Variants in TMEM272 observed in about 807,000 individuals in gnomAD.
The protein encoded by TMEM272 is long intergenic non-protein coding RNA 282.
In TMEM272, 8 loss-of-function variants were observed where a neutral mutation model predicts 3.7. That is an observed-to-expected ratio of 2.17 (90% CI 1.27 to 3.91). The LOEUF (loss-of-function observed/expected upper bound fraction) is 3.91, where lower values mean the gene tolerates loss of function less well. TMEM272 is among the 30% of genes most tolerant of loss of function. TMEM272 has a pLI of 0.00. For missense variants in TMEM272, 166 were observed against 91.5 expected, an observed-to-expected ratio of 1.81 and a Z score of -3.32; for synonymous variants, 63 against 39.8, an observed-to-expected ratio of 1.58 and a Z score of -2.20.
At chr13:51,865,051 C>G in the TMEM272 span, among the ~76,000 whole-genome samples, 2 of 152,220 alleles carry the variant, frequency 1.3e-5, no homozygotes, top group African/African-American at 2.4e-5. Context: ...TTGGCCTCAT[C>G]ATGTCACACC....
At chr13:51,866,305 C>A in the TMEM272 span, 3 of 478,758 alleles carry the variant, frequency 6.3e-6, no homozygotes, top group East Asian at 9.9e-5. Flanking sequence ...CACCTCTGGG[C>A]CACAGAGATC....
the TMEM272 span, among the ~76,000 whole-genome samples, chr13:51,918,538 GTGGGTATA>G: frequency 5.3e-5 from 8 of 152,194 alleles, no homozygotes; most frequent in Non-Finnish European, 1.5e-5. Flanking sequence ...GATGTTCAGG[GTGGGTATA>G]TGGGGATTCA....
chr13:51,850,927 T>C, the TMEM272 span, among the ~76,000 whole-genome samples: 1 of 152,238 alleles, frequency 6.6e-6, no homozygotes, highest in Non-Finnish European at 1.5e-5. Flanking sequence ...TTCTCCTCTT[T>C]AGAATATATC....
At chr13:51,910,138 G>C in the TMEM272 span, 1 of 1,028,764 alleles carries the variant, frequency 9.7e-7, no homozygotes, top group Non-Finnish European at 1.5e-6. Flanking sequence ...ACCTCATCTT[G>C]TTCAGAATGT....
In TMEM272 at chr13:51,822,065, C is replaced by T. The variant is rs1289253163; in HGVS notation, c.191G>A (p.Gly64Asp). 5.7e-6 allele frequency: 4 copies of T among 702,344 alleles called. No homozygotes were observed. The highest frequency in any genetic ancestry group is 1.0e-5 in the Non-Finnish European group (4 of 385,002). The allele number at this position is 702,344 out of a possible 1,614,324, so 43.5% of individuals were successfully genotyped here. The change falls in exon 4 of 5, where the codon GGT becomes GAT. Residue 64 changes from glycine to aspartate, a missense_variant. Transcript: ENST00000629372. ...PLYLLVGGIV[G>D]TLKVSLLLYD... ...ATAAAGATACTTTACCTTTAAGGTA[C>T]CGACGATGCCACCCACTAGCAAATA...
the TMEM272 span, among the ~76,000 whole-genome samples, chr13:51,923,025 G>A: frequency 1.3e-5 from 2 of 152,202 alleles, no homozygotes; most frequent in East Asian, 1.9e-4. Flanking sequence ...GATGTCTTGG[G>A]GGCCACTGTT....
chr13:51,830,256 A>C (rs1047064610), intron 2 of TMEM272, among the ~76,000 whole-genome samples: 1 of 152,362 alleles, frequency 6.6e-6, no homozygotes, highest in South Asian at 2.1e-4. Flanking sequence ...AAAAGCCCTA[A>C]GAGTGGAGAG....
At chr13:51,838,415 G>C in intron 2 of TMEM272, 58 bp downstream of exon 2, 1 of 702,986 alleles carries the variant, frequency 1.4e-6, no homozygotes. Flanking sequence ...AGCTCATCGG[G>C]TGATCCCAGA....
chr13:51,929,919 G>C, the TMEM272 span, among the ~76,000 whole-genome samples: 2 of 152,264 alleles, frequency 1.3e-5, no homozygotes, highest in East Asian at 3.8e-4. Flanking sequence ...GACCTGACCA[G>C]GACCTGGATC....
the TMEM272 span, among the ~76,000 whole-genome samples, chr13:51,902,526 T>C: frequency 1.3e-5 from 2 of 152,262 alleles, no homozygotes; most frequent in Non-Finnish European, 2.9e-5. Context: ...ATAGAAAGTA[T>C]GTTATCATAG....
the TMEM272 span, among the ~76,000 whole-genome samples, chr13:51,859,328 T>C: frequency 6.6e-6 from 1 of 152,034 alleles, no homozygotes; most frequent in Non-Finnish European, 1.5e-5. Flanking sequence ...TCCTGAGAAT[T>C]TGGGTCACAT....
At chr13:51,859,258 C>CA in the TMEM272 span, among the ~76,000 whole-genome samples, 1 of 151,670 alleles carries the variant, frequency 6.6e-6, no homozygotes, top group African/African-American at 2.4e-5. Context: ...TAGGCTTGAC[C>CA]AATAACTGAA....
chr13:51,927,170 T>C, the TMEM272 span, among the ~76,000 whole-genome samples: 1 of 152,134 alleles, frequency 6.6e-6, no homozygotes, highest in Non-Finnish European at 1.5e-5. Flanking sequence ...GAACATTAAA[T>C]AGGAAGGAGA....
the TMEM272 span, among the ~76,000 whole-genome samples, chr13:51,874,631 G>A: frequency 6.6e-6 from 1 of 152,162 alleles, no homozygotes; most frequent in African/African-American, 2.4e-5. Flanking sequence ...AAGGAAAGAT[G>A]CCCCCTTGAT....
intron 2 of TMEM272, among the ~76,000 whole-genome samples, chr13:51,829,882 C>T (rs1158369392): frequency 6.6e-6 from 1 of 152,202 alleles, no homozygotes; most frequent in African/African-American, 2.4e-5. Context: ...GAAGGGTACT[C>T]TGACCCTCCC....
chr13:51,907,660 T>C, the TMEM272 span, among the ~76,000 whole-genome samples: 2 of 152,210 alleles, frequency 1.3e-5, no homozygotes, highest in Non-Finnish European at 2.9e-5. Context: ...ATCACTCCTA[T>C]CTTCTCGCTG....
chr13:51,877,703 A>G, the TMEM272 span, among the ~76,000 whole-genome samples: 1 of 152,242 alleles, frequency 6.6e-6, no homozygotes, highest in Admixed American at 6.5e-5. Flanking sequence ...TTAGACAATG[A>G]AGATATTAAC....
At chr13:51,876,079 C>T in the TMEM272 span, among the ~76,000 whole-genome samples, 3 of 152,204 alleles carry the variant, frequency 2.0e-5, no homozygotes, top group African/African-American at 4.8e-5. Flanking sequence ...AGCCCTGTGC[C>T]CTCCCTCCAG....
At chr13:51,823,168 T>C (rs1956094346) in intron 3 of TMEM272, among the ~76,000 whole-genome samples, 1 of 152,210 alleles carries the variant, frequency 6.6e-6, no homozygotes, top group South Asian at 2.1e-4. Context: ...AGCCTCAACC[T>C]CCCAGGCTCA....
Sources: allele counts gnomAD v4.1 joint callset (sites outside exome capture counted in the v4.1 genomes callset), GRCh38; gene constraint gnomAD v4.1.1; transcripts MANE v1.5; gene names NCBI Gene and HGNC (gene_info 2026-07-23, HGNC 2026-07-21).